The following KTN1 variants were observed in gnomAD, a reference collection of about 807,000 sequenced individuals.
KTN1 encodes kinectin 1, also known as kinectin.
In KTN1, 130 loss-of-function variants were observed where a neutral mutation model predicts 222.5. The observed-to-expected ratio is 0.58, with a 90% confidence interval of 0.51 to 0.68. The LOEUF (loss-of-function observed/expected upper bound fraction) is 0.68, where lower values mean the gene tolerates loss of function less well. Ranked by LOEUF, KTN1 falls within the 30% of genes least tolerant of loss-of-function variation. The pLI is 0.00. For synonymous variants in KTN1, 512 were observed against 496.3 expected (o/e 1.03, Z -0.42); for missense variants, 1,508 against 1,500.4 (o/e 1.01, Z -0.08).
chr14:55,600,415 A>G (rs1046955331), intron 1 of KTN1, among the ~76,000 whole-genome samples: 1 of 152,126 alleles, frequency 6.6e-6, no homozygotes, highest in African/African-American at 2.4e-5. Flanking sequence ...GATTGGACAG[A>G]TTTGTTATGG....
intron 7 of KTN1, among the ~76,000 whole-genome samples, chr14:55,632,686 G>A (rs182479320): frequency 6.4e-4 from 97 of 152,090 alleles, no homozygotes; most frequent in African/African-American, 2.1e-3. Context: ...AGAATGGTAC[G>A]TTTTATGTTA....
chr14:55,631,652 A>G (rs1360540462), intron 7 of KTN1, among the ~76,000 whole-genome samples: 1 of 151,990 alleles, frequency 6.6e-6, no homozygotes, highest in African/African-American at 2.4e-5. Flanking sequence ...GCATGGTGGC[A>G]TGCCCATGGT....
At chr14:55,646,821 T>G in intron 18 of KTN1, 152 bp from the exon 19 acceptor site, 1 of 594,760 alleles carries the variant, frequency 1.7e-6, no homozygotes, top group South Asian at 1.9e-5. Flanking sequence ...TTTCTGAATT[T>G]TTTAATTATC....
intron 32 of KTN1, 182 bp from the exon 33 acceptor site, chr14:55,663,771 CTT>C (rs1387649184): frequency 1.9e-6 from 1 of 524,236 alleles, no homozygotes; most frequent in Admixed American, 3.5e-5. Flanking sequence ...AAGTGGGCGT[CTT>C]TATTTTCTCA....
In KTN1 at chr14:55,633,248, G is replaced by A. The variant is rs200262088; in HGVS notation, c.1235G>A (p.Arg412His). 22 of 1,578,378 alleles carry A rather than the reference G, an allele frequency of 1.4e-5. No individual in the cohort carries two copies. Among genetic ancestry groups the A allele is most frequent in the African/African-American group, 2.7e-5 (2 of 73,300 alleles). ...AAATAATTTTAGTTTCAGCAAGTTC[G>A]TGAGCAGATGGAGGCAGAGATAGCT... is the stretch of plus-strand genomic sequence containing the variant. ...QQMQMKFQQV[R>H]EQMEAEIAHL... Residue 412 changes from arginine (R) to histidine (H), a missense_variant, in exon 8 of 44, where the codon CGT (arginine) becomes CAT (histidine). Physicochemically the swap from Arg to His is conservative, Grantham distance 29. Coordinates refer to ENST00000395314, the MANE Select transcript of KTN1 (RefSeq NM_001079521.2).
chr14:55,652,036 G>A (rs903204404), intron 25 of KTN1, 109 bp downstream of exon 25: 5 of 690,166 alleles, frequency 7.2e-6, no homozygotes, highest in East Asian at 5.7e-5. Context: ...TAGAAAATAC[G>A]AAAATACTGA....
intron 3 of KTN1, 63 bp from the exon 4 acceptor site, chr14:55,617,901 T>G: frequency 8.6e-7 from 1 of 1,157,282 alleles, no homozygotes; most frequent in South Asian, 1.7e-5. Flanking sequence ...AAATTATGCT[T>G]GCATGTCATT....
At position 55,650,618 on chromosome 14, in the gene KTN1, A is replaced by G. The variant is rs2042841942; in HGVS notation, c.2546A>G (p.Gln849Arg). 1.2e-6 allele frequency: 2 copies of G among 1,611,830 alleles called. No homozygotes were observed. The highest frequency in any genetic ancestry group is 1.7e-6 in the Non-Finnish European group (2 of 1,178,076). ...KALKEEIGNV[Q>R]LEKAQQLSIT... ...CTAAAAGAAGAAATAGGAAATGTCC[A>G]GCTTGAAAAGGCTCAACAGGTAAAA... The change falls in exon 24 of 44, where the codon CAG becomes CGG. Residue 849 changes from glutamine to arginine, a missense_variant. Gln to Arg is a conservative substitution (Grantham distance 43, BLOSUM62 1). Transcript: ENST00000395314.
Position 55,595,730 on chromosome 14 carries a change from G to A in KTN1, c.-31+15376G>A, listed in dbSNP as rs370796959. ...GCCATGTTCAGGATTTATCAATCTT[G>A]TCTCCAAGGATAGCTTGTTTACTTT... On this transcript the variant is annotated intron_variant, in intron 1 of 43. Coordinates refer to ENST00000395314, the MANE Select transcript of KTN1 (RefSeq NM_001079521.2). 1.7e-4 allele frequency among the ~76,000 whole-genome samples: 26 copies of A among 152,280 alleles called. 1 individual carries two copies. Among genetic ancestry groups the A allele is most frequent in the African/African-American group, 6.3e-4 (26 of 41,540 alleles).
chr14:55,633,586 CAT>C (rs2040773710), intron 8 of KTN1, among the ~76,000 whole-genome samples: 1 of 151,174 alleles, frequency 6.6e-6, no homozygotes, highest in Non-Finnish European at 1.5e-5. Context: ...TAATATATAT[CAT>C]ATATTACATA....
chr14:55,581,736 C>G (rs1040391605), intron 1 of KTN1, among the ~76,000 whole-genome samples: 1 of 152,014 alleles, frequency 6.6e-6, no homozygotes, highest in African/African-American at 2.4e-5. Flanking sequence ...CAGTTTGGTC[C>G]GAAGCAATTG....
At chr14:55,623,644 T>C (rs182735242) in intron 5 of KTN1, among the ~76,000 whole-genome samples, 62 of 152,372 alleles carry the variant, frequency 4.1e-4, no homozygotes, top group Middle Eastern at 6.8e-3. Context: ...GTGCTAGGAT[T>C]ACAGGTGTGA....
At chr14:55,598,505 T>TAAA (rs71131298) in intron 1 of KTN1, among the ~76,000 whole-genome samples, 1 of 148,322 alleles carries the variant, frequency 6.7e-6, no homozygotes, top group South Asian at 2.1e-4. Flanking sequence ...TACTGTTCAT[T>TAAA]AAAAAAAAAA....
chr14:55,622,781 C>T (rs1259098245), intron 5 of KTN1, among the ~76,000 whole-genome samples: 2 of 152,114 alleles, frequency 1.3e-5, no homozygotes, highest in Non-Finnish European at 2.9e-5. Flanking sequence ...TGTAAAGTGA[C>T]CTTTAAGAGA....
At chr14:55,680,623 A>G (rs1367760389) in intron 43 of KTN1, 6 of 918,934 alleles carry the variant, frequency 6.5e-6, no homozygotes, top group South Asian at 6.3e-5. Flanking sequence ...GAGCTTAGGT[A>G]TCCTGGAAAA....
chr14:55,593,716 T>C (rs1196383077), intron 1 of KTN1, among the ~76,000 whole-genome samples: 4 of 152,188 alleles, frequency 2.6e-5, no homozygotes, highest in Admixed American at 6.5e-5. Context: ...TAATTTTTAA[T>C]TTGCTATGAC....
intron 40 of KTN1, 94 bp from the exon 41 acceptor site, chr14:55,675,741 T>C: frequency 1.3e-6 from 1 of 780,962 alleles, no homozygotes; most frequent in Non-Finnish European, 2.2e-6. Context: ...TAATAACTGT[T>C]AGCAGTCCCA....
chr14:55,647,837 G>C (rs1182372768), intron 19 of KTN1, among the ~76,000 whole-genome samples, 188 bp from the exon 20 acceptor site: 1 of 151,496 alleles, frequency 6.6e-6, no homozygotes, highest in Non-Finnish European at 1.5e-5. Context: ...CCAGCTACTC[G>C]GGAGGGTGAG....
At chr14:55,604,556 C>G (rs532342132) in intron 1 of KTN1, among the ~76,000 whole-genome samples, 1 of 152,296 alleles carries the variant, frequency 6.6e-6, no homozygotes, top group Non-Finnish European at 1.5e-5. Flanking sequence ...CTCCTTATCA[C>G]TATTCTTGCT....
Sources: allele counts gnomAD v4.1 joint callset (sites outside exome capture counted in the v4.1 genomes callset), GRCh38; gene constraint gnomAD v4.1.1; transcripts MANE v1.5; gene names NCBI Gene and HGNC (gene_info 2026-07-23, HGNC 2026-07-21).